SLC25A48: variants seen among roughly 807,000 people sequenced by gnomAD.
SLC25A48 encodes solute carrier family 25 member 48.
In SLC25A48, 29 loss-of-function variants were observed where a neutral mutation model predicts 32.2. The observed-to-expected ratio is 0.90, with a 90% CI of 0.67 to 1.23. The LOEUF is 1.23. Ranked by LOEUF, SLC25A48 falls within the 50% of genes most tolerant of loss-of-function variation. The pLI is 0.00. For missense variants in SLC25A48, 399 were observed against 422.7 expected (o/e 0.94, Z 0.49); for synonymous variants, 164 against 172.3 (o/e 0.95, Z 0.38).
intron 4 of SLC25A48, among the ~76,000 whole-genome samples, chr5:135,862,613 C>T (rs573799655): frequency 1.3e-5 from 2 of 152,196 alleles, no homozygotes; most frequent in Non-Finnish European, 2.9e-5. Flanking sequence ...GTCTTTGGAA[C>T]CCCTGACTCT....
intron 3 of SLC25A48, among the ~76,000 whole-genome samples, chr5:135,800,793 G>A (rs949832168): frequency 2.0e-5 from 3 of 151,658 alleles, no homozygotes; most frequent in Non-Finnish European, 4.4e-5. Flanking sequence ...AGATCCGGTG[G>A]GGAGTGGATG....
intron 1 of SLC25A48, among the ~76,000 whole-genome samples, chr5:135,838,060 T>C (rs1381826785): frequency 6.6e-6 from 1 of 152,214 alleles, no homozygotes; most frequent in Non-Finnish European, 1.5e-5. Flanking sequence ...CTGGTAGTGA[T>C]ATGGACAATG....
At chr5:135,726,031 G>A (rs377277188) in intron 3 of SLC25A48, among the ~76,000 whole-genome samples, 1 of 152,160 alleles carries the variant, frequency 6.6e-6, no homozygotes, top group African/African-American at 2.4e-5. Context: ...TGACAGACTC[G>A]AGGATCTCCC....
In SLC25A48 at chr5:135,883,366, C is replaced by A. The variant is rs76513145; in HGVS notation, c.*7+3269C>A. 3,920 of 985,456 alleles carry A rather than the reference C, an allele frequency of 4.0e-3. 118 individuals carry two copies. The African/African-American group carries it at 0.059, about 15-fold the overall frequency. 61.0% of individuals were successfully genotyped at this position (985,456 alleles called of 1,614,324 possible). ...AAAACTGGAGTAAAATAGACCCTCC[C>A]CCCATGGCCATTGTAAACTCACTGT... On this transcript the variant is annotated intron_variant, in intron 7 of 7. Coordinates refer to ENST00000681962, the MANE Select transcript of SLC25A48 (RefSeq NM_001349336.2).
At chr5:135,864,766 A>C (rs1449633310) in intron 4 of SLC25A48, among the ~76,000 whole-genome samples, 1 of 152,236 alleles carries the variant, frequency 6.6e-6, no homozygotes, top group African/African-American at 2.4e-5. Context: ...GATAGTGCAT[A>C]TTACACCATT....
intron 3 of SLC25A48, chr5:135,650,535 G>A (rs1259209022): frequency 2.5e-6 from 1 of 406,006 alleles, no homozygotes; most frequent in African/African-American, 2.2e-5. Context: ...TGAACAAAAA[G>A]TGCAGTCACT....
chr5:135,761,067 A>G (rs916374079), intron 3 of SLC25A48, among the ~76,000 whole-genome samples: 2 of 152,100 alleles, frequency 1.3e-5, no homozygotes, highest in Admixed American at 6.6e-5. Context: ...TGGGAGACCA[A>G]GGAGTGGAGG....
chr5:135,616,474 T>G (rs1167016596), intron 1 of SLC25A48, among the ~76,000 whole-genome samples: 7 of 152,230 alleles, frequency 4.6e-5, no homozygotes, highest in Non-Finnish European at 1.0e-4. Context: ...ATTTAATGAC[T>G]GCCCTGGTGT....
intron 3 of SLC25A48, among the ~76,000 whole-genome samples, chr5:135,698,740 A>G (rs1754323000): frequency 6.6e-6 from 1 of 152,240 alleles, no homozygotes; most frequent in South Asian, 2.1e-4. Flanking sequence ...CATCCTCAGA[A>G]GATACCAATA....
intron 1 of SLC25A48, among the ~76,000 whole-genome samples, chr5:135,621,815 G>T (rs189007602): frequency 5.9e-4 from 90 of 152,146 alleles, no homozygotes; most frequent in Non-Finnish European, 1.0e-3. Context: ...GTACAGAGTA[G>T]AGAATCTAGT....
intron 7 of SLC25A48, chr5:135,883,476 C>T (rs978907232): frequency 3.0e-6 from 3 of 985,426 alleles, no homozygotes; most frequent in Non-Finnish European, 2.4e-6. Context: ...TGTCAGATGC[C>T]TCTGCCTAGC....
chr5:135,766,256 T>C (rs1756223677), intron 3 of SLC25A48, among the ~76,000 whole-genome samples: 1 of 151,484 alleles, frequency 6.6e-6, no homozygotes, highest in African/African-American at 2.4e-5. Context: ...CATCCTCCTG[T>C]GATATGGTTT....
intron 3 of SLC25A48, among the ~76,000 whole-genome samples, chr5:135,771,189 T>A (rs1756400123): frequency 6.6e-6 from 1 of 151,520 alleles, no homozygotes; most frequent in Non-Finnish European, 1.5e-5. Context: ...TACACCCCCC[T>A]GTGATAAGGT....
At chr5:135,770,496 C>T (rs968092450) in intron 3 of SLC25A48, among the ~76,000 whole-genome samples, 5 of 151,224 alleles carry the variant, frequency 3.3e-5, no homozygotes, top group African/African-American at 7.3e-5. Context: ...TCAATGTCGC[C>T]GAGGTTGCAC....
rs568622952 is a variant in SLC25A48, at chr5:135,756,285, TATC to T, written c.-520-56234_-520-56232del. Among the ~76,000 whole-genome samples the T allele has an allele frequency of 9.1e-4, 123 of 134,840 alleles. 1 individual carries two copies. In the South Asian group the frequency reaches 0.021, roughly 23 times the overall value. 88.5% of individuals were successfully genotyped at this position (134,840 alleles called of 152,430 possible). A position where few individuals can be genotyped will look rare whatever the true frequency, so the allele number is the denominator to read the frequency against. On this transcript the variant is annotated intron_variant, in intron 3 of 10. Coordinates refer to the SLC25A48 transcript ENST00000646290. ...GTTAACACTATGATATTAAGAAAAA[TATC>T]ATCTTTGTGATATTTATAATATCTA... is the stretch of plus-strand genomic sequence containing the variant.
At chr5:135,886,634 TATAA>T (rs1235553268) in intron 7 of SLC25A48, among the ~76,000 whole-genome samples, 17 of 29,148 alleles carry the variant, frequency 5.8e-4, no homozygotes, top group African/African-American at 1.0e-3. Flanking sequence ...TATATATATA[TATAA>T]AATATATATA....
chr5:135,640,235 G>GA (rs1481337230), intron 3 of SLC25A48, among the ~76,000 whole-genome samples: 1 of 152,156 alleles, frequency 6.6e-6, no homozygotes, highest in Non-Finnish European at 1.5e-5. Context: ...ATTGAGAAAA[G>GA]AAAGAGTTAA....
At chr5:135,764,328 C>G (rs949641610) in intron 3 of SLC25A48, among the ~76,000 whole-genome samples, 1 of 151,982 alleles carries the variant, frequency 6.6e-6, no homozygotes, top group African/African-American at 2.4e-5. Flanking sequence ...GTACACCCCC[C>G]TGTGATATGG....
At chr5:135,725,571 C>T (rs1755069805) in intron 3 of SLC25A48, among the ~76,000 whole-genome samples, 1 of 152,136 alleles carries the variant, frequency 6.6e-6, no homozygotes, top group South Asian at 2.1e-4. Context: ...AAATGGCCTC[C>T]CTCTCCTTCC....
Sources: allele counts gnomAD v4.1 joint callset (sites outside exome capture counted in the v4.1 genomes callset), GRCh38; gene constraint gnomAD v4.1.1; transcripts MANE v1.5; gene names NCBI Gene and HGNC (gene_info 2026-07-23, HGNC 2026-07-21).